The following BIRC3 variants were observed in gnomAD, a reference collection of about 807,000 sequenced individuals.
BIRC3 encodes baculoviral IAP repeat containing 3, also known as baculoviral IAP repeat-containing protein 3.
Under a neutral mutation model 59.0 loss-of-function variants are expected in BIRC3, and 26 were observed. The observed-to-expected ratio is 0.44, with a 90% CI of 0.32 to 0.61. The LOEUF is 0.61. Ranked by LOEUF, BIRC3 falls within the 20% of genes least tolerant of loss-of-function variation. The probability of loss-of-function intolerance (pLI) is 0.04; values close to 1 mark genes in which losing one functional copy is unlikely to be tolerated. For missense variants in BIRC3, 641 were observed against 711.5 expected (o/e 0.90, Z 1.13); for synonymous variants, 243 against 249.2 (o/e 0.98, Z 0.24).
chr11:102,338,991 G>A lies in BIRC3; in HGVS notation c.*1889G>A, dbSNP rs1951228154. 1 of 216,122 alleles carries A rather than the reference G, an allele frequency of 4.6e-6. No individual in the cohort carries two copies. The highest frequency in any genetic ancestry group is 1.9e-4 in the South Asian group (1 of 5,346). The allele number at this position is 216,122 out of a possible 1,614,324, so 13.4% of individuals were successfully genotyped here. On this transcript the variant is annotated 3_prime_UTR_variant, in exon 9 of 9. Coordinates refer to ENST00000263464, the MANE Select transcript of BIRC3 (RefSeq NM_001165.5). The stretch of plus-strand genomic sequence containing the variant: ...TGTAAAGAGAACAATTAGGGACCAA[G>A]TGAGGGGAGGAAAGAATCCATCTCT...
Position 102,324,652 on chromosome 11 carries a change from G to C in BIRC3, c.143G>C (p.Arg48Thr). 6.2e-7 allele frequency: 1 copy of C among 1,614,184 alleles called. No homozygotes were observed. Among genetic ancestry groups the C allele is most frequent in the Non-Finnish European group, 8.5e-7 (1 of 1,180,016 alleles). Residue 48 changes from arginine (R) to threonine (T), a missense_variant, in exon 2 of 9, where the codon AGG becomes ACG. By Grantham distance (71) the Arg-to-Thr change is moderately conservative. This residue lies in a region of BIRC3 where 329 missense variants were observed against 365.6 expected (regional missense o/e 0.90). Transcript: ENST00000263464. ...TFPAGVPVSE[R>T]SLARAGFYYT... ...CCTGCTGGGGTTCCTGTCTCAGAAAGGAGTCTTGCTCGTGCTGGTTTCTAT... is the reference window on the plus strand; with the variant it reads ...CCTGCTGGGGTTCCTGTCTCAGAAACGAGTCTTGCTCGTGCTGGTTTCTAT...
chr11:102,331,231 A>C lies in BIRC3; in HGVS notation c.1314A>C (p.Glu438Asp), dbSNP rs767698113. The part of the protein sequence containing the change: ...REEERERATE[E>D]KESNDLLLIR... Reference sequence around the variant, plus strand: ...AGGAGAGAGAAAGAGCAACTGAGGAAAAAGAATCAAGTATGTAGATTTATT... The same window carrying C: ...AGGAGAGAGAAAGAGCAACTGAGGACAAAGAATCAAGTATGTAGATTTATT... The change falls in exon 6 of 9, where the codon GAA becomes GAC. Residue 438 changes from glutamate (E) to aspartate (D), a missense_variant. Around this residue, in one of 4 missense-constraint regions of BIRC3, gnomAD observed 268 missense variants for 255.7 expected, o/e 1.05. Transcript: ENST00000263464. 8.1e-6 allele frequency: 13 copies of C among 1,608,460 alleles called. No individual in the cohort carries two copies. The highest frequency in any genetic ancestry group is 1.7e-5 in the Admixed American group (1 of 58,646).
intron 4 of BIRC3, 148 bp downstream of exon 4, chr11:102,328,278 G>A (rs1389561240): frequency 1.5e-6 from 1 of 663,926 alleles, no homozygotes; most frequent in Non-Finnish European, 2.6e-6. Flanking sequence ...ATTTTAGAAA[G>A]TATTATTCTT....
At chr11:102,318,064 A>C (rs2135779236) in intron 1 of BIRC3, among the ~76,000 whole-genome samples, 1 of 152,294 alleles carries the variant, frequency 6.6e-6, no homozygotes, top group African/African-American at 2.4e-5. Context: ...TGATCAATAC[A>C]TTGTCGAAGG....
In BIRC3 at chr11:102,337,909, A is replaced by G. The variant is rs1185313152; in HGVS notation, c.*807A>G. 4.4e-6 allele frequency: 1 copy of G among 227,712 alleles called. No homozygotes were observed. Among genetic ancestry groups the G allele is most frequent in the Admixed American group, 5.7e-5 (1 of 17,620 alleles). The allele number at this position is 227,712 out of a possible 1,614,324, so 14.1% of individuals were successfully genotyped here. A position where few individuals can be genotyped will look rare whatever the true frequency, so the allele number is the denominator to read the frequency against. On this transcript the variant is annotated 3_prime_UTR_variant, in exon 9 of 9. Coordinates refer to ENST00000263464, the MANE Select transcript of BIRC3 (RefSeq NM_001165.5). ...AACACATCATAAAATCTATTATGGA[A>G]TGCCTGAGACAAGAATCAAACAGTC...
chr11:102,323,967 T>C lies in BIRC3; in HGVS notation c.-543T>C. 1 of 205,986 alleles carries C rather than the reference T, an allele frequency of 4.9e-6. No homozygotes were observed. The highest frequency in any genetic ancestry group is 9.9e-6 in the Non-Finnish European group (1 of 100,850). 12.8% of individuals were successfully genotyped at this position (205,986 alleles called of 1,614,324 possible). Reference sequence around the variant, plus strand: ...AATGTATTATTTTCCTCCTTTGAGTTAGGTCTTGTGCTTTTTTTTCCTGGC... The same window carrying C: ...AATGTATTATTTTCCTCCTTTGAGTCAGGTCTTGTGCTTTTTTTTCCTGGC... On this transcript the variant is annotated 5_prime_UTR_variant, in exon 2 of 9. It removes the in-frame stop codon of an upstream open reading frame in the 5' UTR. Transcript: ENST00000263464.
intron 3 of BIRC3, among the ~76,000 whole-genome samples, chr11:102,327,047 T>A (rs1174642426): frequency 6.6e-6 from 1 of 152,160 alleles, no homozygotes; most frequent in East Asian, 1.9e-4. Context: ...TTACTTGACC[T>A]CAGTAGACTG....
At chr11:102,326,744 G>T in intron 3 of BIRC3, 1 of 454,884 alleles carries the variant, frequency 2.2e-6, no homozygotes, top group Non-Finnish European at 4.4e-6. Flanking sequence ...GCCTGGCTCT[G>T]TTGCCCAGAT....
chr11:102,328,830 A>G (rs905350323), intron 4 of BIRC3, 67 bp from the exon 5 acceptor site: 3 of 620,370 alleles, frequency 4.8e-6, no homozygotes, highest in African/African-American at 3.9e-5. Context: ...TTTCATTGCA[A>G]TGGGTAAGAT....
chr11:102,325,304 GC>G lies in BIRC3; in HGVS notation c.798del (p.Ser267LeufsTer4). On this transcript the variant is annotated frameshift_variant, in exon 2 of 9. Transcript: ENST00000263464. LOFTEE classifies it high-confidence loss of function. ...AARFKTFFNWPSSVLVNPEQL... is the reference protein window; with the variant it reads ...AARFKTFFNWXSSVLVNPEQL... ...CCCGCTTTAAAACATTCTTTAACTG[GC>G]CCTCTAGTGTTCTAGTTAATCCTGA... is the stretch of plus-strand genomic sequence containing the variant. 1 of 1,613,844 alleles carries G rather than the reference GC, an allele frequency of 6.2e-7. No homozygotes were observed. The highest frequency in any genetic ancestry group is 2.2e-5 in the East Asian group (1 of 44,884).
Position 102,325,301 on chromosome 11 carries a change from C to G in BIRC3, c.792C>G (p.Asn264Lys). 2 of 1,614,044 alleles carry G rather than the reference C, an allele frequency of 1.2e-6. No individual in the cohort carries two copies. Among genetic ancestry groups the G allele is most frequent in the South Asian group, 1.1e-5 (1 of 91,068 alleles). ...THAARFKTFF[N>K]WPSSVLVNPE... ...CAGCCCGCTTTAAAACATTCTTTAA[C>G]TGGCCCTCTAGTGTTCTAGTTAATC... Residue 264 changes from asparagine (N) to lysine (K), a missense_variant, in exon 2 of 9, where the codon AAC becomes AAG. Asn to Lys is a moderately conservative substitution (Grantham distance 94, BLOSUM62 0). This residue lies in a region of BIRC3 where 329 missense variants were observed against 365.6 expected (regional missense o/e 0.90). Transcript: ENST00000263464.
chr11:102,318,122 T>C (rs1400022476), intron 1 of BIRC3, among the ~76,000 whole-genome samples: 2 of 152,346 alleles, frequency 1.3e-5, no homozygotes, highest in African/African-American at 2.4e-5. Flanking sequence ...TTGACTTTAT[T>C]TGCTATTATT....
intron 5 of BIRC3, among the ~76,000 whole-genome samples, chr11:102,330,156 G>C (rs563339002): frequency 6.6e-6 from 1 of 152,200 alleles, no homozygotes; most frequent in Non-Finnish European, 1.5e-5. Context: ...TCCAAGGGAA[G>C]AGTAGGAGTT....
intron 1 of BIRC3, among the ~76,000 whole-genome samples, chr11:102,319,545 T>A (rs1023671983): frequency 3.9e-5 from 6 of 152,096 alleles, no homozygotes; most frequent in African/African-American, 1.4e-4. Context: ...AGACAGCAAG[T>A]AGGTTGTGAG....
chr11:102,319,337 C>T (rs1951007903), intron 1 of BIRC3, among the ~76,000 whole-genome samples: 1 of 152,156 alleles, frequency 6.6e-6, no homozygotes, highest in South Asian at 2.1e-4. Context: ...TGAGCCACCA[C>T]ACCCGGCCGA....
In BIRC3 at chr11:102,323,798, T is replaced by C. The variant is rs1951055254; in HGVS notation, c.-712T>C. On this transcript the variant is annotated 5_prime_UTR_variant, in exon 2 of 9. Transcript: ENST00000263464. Reference sequence around the variant, plus strand: ...ATCATATTTCACTGAATTCAAAATGTCTTCAGTTGTAAATCTTACCATTAT... The same window carrying C: ...ATCATATTTCACTGAATTCAAAATGCCTTCAGTTGTAAATCTTACCATTAT... 1 of 200,620 alleles carries C rather than the reference T, an allele frequency of 5.0e-6. No homozygotes were observed. Among genetic ancestry groups the C allele is most frequent in the Admixed American group, 6.0e-5 (1 of 16,628 alleles). 12.4% of individuals were successfully genotyped at this position (200,620 alleles called of 1,614,324 possible).
At chr11:102,334,262 C>T (rs1951174090) in intron 6 of BIRC3, among the ~76,000 whole-genome samples, 1 of 152,180 alleles carries the variant, frequency 6.6e-6, no homozygotes. Flanking sequence ...CTACCCCTCT[C>T]ACCATTACTT....
chr11:102,334,953 T>G (rs1290001064), intron 6 of BIRC3, among the ~76,000 whole-genome samples: 1 of 152,150 alleles, frequency 6.6e-6, no homozygotes, highest in Non-Finnish European at 1.5e-5. Context: ...TTAAAGAAAT[T>G]TTATGGGCCG....
At chr11:102,334,364 A>G (rs966100521) in intron 6 of BIRC3, among the ~76,000 whole-genome samples, 2 of 152,204 alleles carry the variant, frequency 1.3e-5, no homozygotes. Flanking sequence ...GCCAGACACT[A>G]TTCTAGCTCC....
Sources: gnomAD v4.1 joint callset for allele counts (sites outside exome capture counted in the v4.1 genomes callset) on GRCh38, gnomAD v4.1.1 for gene constraint, gnomAD v4.1.1 regional missense constraint, MANE v1.5 for transcripts, NCBI Gene and HGNC (gene_info 2026-07-23, HGNC 2026-07-21) for gene names.